Variants in ACAP2 observed in about 807,000 individuals in gnomAD.
ACAP2 encodes ArfGAP with coiled-coil, ankyrin repeat and PH domains 2.
A neutral mutation model predicts 115.8 loss-of-function variants in ACAP2; 39 were observed. The observed-to-expected ratio is 0.34, with a 90% CI of 0.26 to 0.44. ACAP2 has a LOEUF of 0.44. Ranked by LOEUF, ACAP2 falls within the 20% of genes least tolerant of loss-of-function variation. The probability of loss-of-function intolerance (pLI) is 1.00; values close to 1 mark genes in which losing one functional copy is unlikely to be tolerated. For missense variants in ACAP2, 662 were observed against 927.6 expected, an observed-to-expected ratio of 0.71 and a Z score of 3.72; for synonymous variants, 289 against 315.8, an observed-to-expected ratio of 0.92 and a Z score of 0.90.
At chr3:195,411,068 G>A (rs1293419466) in intron 1 of ACAP2, 3 of 301,046 alleles carry the variant, frequency 1.0e-5, no homozygotes, top group Admixed American at 3.9e-5. Flanking sequence ...TTCTGCCATC[G>A]ATGCAGGAAC....
chr3:195,431,776 C>G (rs760286580), intron 1 of ACAP2, among the ~76,000 whole-genome samples: 1 of 151,948 alleles, frequency 6.6e-6, no homozygotes, highest in Non-Finnish European at 1.5e-5. Flanking sequence ...CTTAGGAACT[C>G]CCAAACTCTT....
chr3:195,330,405 G>C (rs2108623021), intron 8 of ACAP2, among the ~76,000 whole-genome samples: 1 of 152,316 alleles, frequency 6.6e-6, no homozygotes, highest in Non-Finnish European at 1.5e-5. Context: ...TTGAGATCTA[G>C]AGAGGGGGTA....
chr3:195,399,790 T>C (rs1364796011), intron 1 of ACAP2, among the ~76,000 whole-genome samples: 2 of 152,042 alleles, frequency 1.3e-5, no homozygotes, highest in Non-Finnish European at 2.9e-5. Flanking sequence ...TATCACACTC[T>C]TAAGTCATAA....
At chr3:195,303,091 C>T (rs1728175159) in intron 13 of ACAP2, among the ~76,000 whole-genome samples, 1 of 152,208 alleles carries the variant, frequency 6.6e-6, no homozygotes, top group Non-Finnish European at 1.5e-5. Context: ...TGGCGCACAC[C>T]TGTGATCCCA....
intron 13 of ACAP2, among the ~76,000 whole-genome samples, chr3:195,302,920 A>G (rs144108393): frequency 0.013 from 1,964 of 152,184 alleles, 30 homozygotes; most frequent in African/African-American, 0.043. Context: ...GCCTGTCTCT[A>G]AAAAAGAATA....
intron 1 of ACAP2, among the ~76,000 whole-genome samples, chr3:195,407,334 C>T (rs1018885143): frequency 1.3e-5 from 2 of 150,904 alleles, no homozygotes. Flanking sequence ...TCCATCTTCA[C>T]AAAAAAAGTT....
At chr3:195,288,014 T>C (rs1005092218) in intron 21 of ACAP2, among the ~76,000 whole-genome samples, 31 of 151,592 alleles carry the variant, frequency 2.0e-4, no homozygotes, top group African/African-American at 7.5e-4. Flanking sequence ...GGAGGGAGAA[T>C]CGCTTGAACC....
chr3:195,401,786 AAAT>A (rs1330242283), intron 1 of ACAP2, among the ~76,000 whole-genome samples: 6 of 152,232 alleles, frequency 3.9e-5, no homozygotes, highest in African/African-American at 1.4e-4. Context: ...GTAAACTGCT[AAAT>A]GACAGAACTA....
intron 10 of ACAP2, among the ~76,000 whole-genome samples, chr3:195,309,560 AG>A (rs1190240189): frequency 6.6e-6 from 1 of 151,906 alleles, no homozygotes; most frequent in Non-Finnish European, 1.5e-5. Context: ...AAAAAAAAAA[AG>A]TATCCACTTG....
chr3:195,288,678 T>A (rs893704943), intron 21 of ACAP2, among the ~76,000 whole-genome samples: 9 of 152,110 alleles, frequency 5.9e-5, no homozygotes, highest in African/African-American at 1.2e-4. Context: ...GCCAACATGG[T>A]GAAACCCCAT....
At chr3:195,316,893 ATTTTTTTTTT>A (rs60184290) in intron 10 of ACAP2, among the ~76,000 whole-genome samples, 4 of 53,826 alleles carry the variant, frequency 7.4e-5, no homozygotes, top group Non-Finnish European at 1.3e-4. Flanking sequence ...ATGTCAGTGA[ATTTTTTTTTT>A]TTTTTTTTTT....
At chr3:195,317,759 C>A (rs1453986683) in intron 10 of ACAP2, among the ~76,000 whole-genome samples, 1 of 152,006 alleles carries the variant, frequency 6.6e-6, no homozygotes, top group Admixed American at 6.6e-5. Flanking sequence ...CATCAACTGC[C>A]ACAGCTTCAT....
In ACAP2 at chr3:195,279,091, C is replaced by T. The variant is rs1478089605; in HGVS notation, c.*237G>A. On this transcript the variant is annotated 3_prime_UTR_variant, in exon 23 of 23. Coordinates refer to ENST00000326793, the MANE Select transcript of ACAP2 (RefSeq NM_012287.6). ...GCCTAAATCTAGACTGAACTTCTGTCTACAGAAATAGCCCTTTAAATAGGC... is the reference window on the plus strand; with the variant it reads ...GCCTAAATCTAGACTGAACTTCTGTTTACAGAAATAGCCCTTTAAATAGGC... The T allele has an allele frequency of 3.3e-5, 11 of 337,878 alleles. No individual in the cohort carries two copies. The highest frequency in any genetic ancestry group is 8.3e-4 in the Middle Eastern group (1 of 1,210). The allele number at this position is 337,878 out of a possible 1,614,324, so 20.9% of individuals were successfully genotyped here.
intron 4 of ACAP2, among the ~76,000 whole-genome samples, chr3:195,366,982 C>T (rs1732766190): frequency 6.8e-6 from 1 of 147,388 alleles, no homozygotes; most frequent in African/African-American, 2.5e-5. Flanking sequence ...GTAAAAGTAG[C>T]CATAGACAAT....
chr3:195,440,074 C>A (rs1273885411), intron 1 of ACAP2, among the ~76,000 whole-genome samples: 1 of 151,502 alleles, frequency 6.6e-6, no homozygotes, highest in African/African-American at 2.4e-5. Flanking sequence ...AATTTCCACT[C>A]AAAAAAAAGT....
At chr3:195,333,825 A>G (rs1269778709) in intron 7 of ACAP2, among the ~76,000 whole-genome samples, 1 of 152,230 alleles carries the variant, frequency 6.6e-6, no homozygotes, top group Admixed American at 6.5e-5. Flanking sequence ...AGTGCTCAAA[A>G]TAAAACACAA....
In ACAP2 at chr3:195,390,661, G is replaced by C. The variant is rs985688128; in HGVS notation, c.111+1429C>G. Among the ~76,000 whole-genome samples, 3 of 152,270 alleles carry C rather than the reference G, an allele frequency of 2.0e-5. No homozygotes were observed. In the East Asian group the frequency reaches 5.8e-4, roughly 29 times the overall value. ...TCAGGTGTCTCCAGCTACTGAATCAGAATCTGTTTTTTCACAAGATGGGAT... is the reference window on the plus strand; with the variant it reads ...TCAGGTGTCTCCAGCTACTGAATCACAATCTGTTTTTTCACAAGATGGGAT... On this transcript the variant is annotated intron_variant, in intron 2 of 22. Coordinates refer to ENST00000326793, the MANE Select transcript of ACAP2 (RefSeq NM_012287.6).
In ACAP2 at chr3:195,333,041, T is replaced by G. The variant is rs762416946; in HGVS notation, c.656A>C (p.Asp219Ala). ...LFSELGPYMK[D>A]LGAQLDRLVV... ...CTGCAACATTACCTGTGCACCAAGA[T>G]CCTTCATGTAGGGTCCAAGTTCACT... The change falls in exon 8 of 23, where the codon GAT (aspartate) becomes GCT (alanine). Residue 219 changes from aspartate (D) to alanine (A), a missense_variant. By Grantham distance (126) the Asp-to-Ala change is moderately radical. Around this residue, in one of 3 missense-constraint regions of ACAP2, gnomAD observed 401 missense variants for 604.4 expected, o/e 0.66. Coordinates refer to ENST00000326793, the MANE Select transcript of ACAP2 (RefSeq NM_012287.6). 1.1e-5 allele frequency: 17 copies of G among 1,605,140 alleles called. No homozygotes were observed. The highest frequency in any genetic ancestry group is 1.4e-5 in the Non-Finnish European group (17 of 1,175,332).
At chr3:195,362,587 C>G (rs1163331595) in intron 4 of ACAP2, among the ~76,000 whole-genome samples, 1 of 151,908 alleles carries the variant, frequency 6.6e-6, no homozygotes, top group South Asian at 2.1e-4. Context: ...TGAAAAAATC[C>G]TCAACAAAAT....
Sources: allele counts gnomAD v4.1 joint callset (sites outside exome capture counted in the v4.1 genomes callset), GRCh38; gene constraint gnomAD v4.1.1; regional missense constraint gnomAD v4.1.1; transcripts MANE v1.5; gene names NCBI Gene and HGNC (gene_info 2026-07-23, HGNC 2026-07-21).